Variants in VTA1 observed in about 807,000 individuals in gnomAD.
VTA1 encodes vacuolar protein sorting-associated protein VTA1 homolog.
In VTA1, 24 loss-of-function variants were observed where a neutral mutation model predicts 36.9. The observed-to-expected ratio is 0.65, with a 90% CI of 0.47 to 0.91. The LOEUF is 0.91. Ranked by LOEUF, VTA1 falls within the 40% of genes least tolerant of loss-of-function variation. The probability of loss-of-function intolerance (pLI) is 0.00; values close to 1 mark genes in which losing one functional copy is unlikely to be tolerated. For synonymous variants in VTA1, 142 were observed against 130.2 expected (o/e 1.09, Z -0.62); for missense variants, 393 against 377.2 (o/e 1.04, Z -0.35).
chr6:142,193,381 A>G (rs1674573318), intron 5 of VTA1, among the ~76,000 whole-genome samples: 1 of 152,060 alleles, frequency 6.6e-6, no homozygotes, highest in South Asian at 2.1e-4. Context: ...TCCCTTTGCT[A>G]TTAATAAGTA....
chr6:142,204,251 A>G (rs781670371), intron 7 of VTA1, among the ~76,000 whole-genome samples, 186 bp downstream of exon 7: 5 of 152,170 alleles, frequency 3.3e-5, no homozygotes, highest in Non-Finnish European at 7.4e-5. Flanking sequence ...GGATTGTTTG[A>G]CTTTAAAAAT....
At chr6:142,209,227 G>A (rs1056161481) in intron 7 of VTA1, among the ~76,000 whole-genome samples, 41 of 151,914 alleles carry the variant, frequency 2.7e-4, no homozygotes, top group Admixed American at 2.2e-3. Context: ...AAAATCAGTA[G>A]CATTTATATA....
intron 4 of VTA1, among the ~76,000 whole-genome samples, chr6:142,180,297 G>A (rs142269613): frequency 1.3e-5 from 2 of 152,254 alleles, no homozygotes; most frequent in African/African-American, 4.8e-5. Flanking sequence ...CCCAGAAGCC[G>A]ACTTGAAAGG....
intron 4 of VTA1, among the ~76,000 whole-genome samples, chr6:142,180,606 A>G (rs1292500834): frequency 5.3e-5 from 8 of 152,184 alleles, no homozygotes; most frequent in Non-Finnish European, 5.9e-5. Context: ...TTGCTTATTG[A>G]TATCAGAGGA....
At chr6:142,167,731 C>T (rs903768570) in intron 2 of VTA1, among the ~76,000 whole-genome samples, 5 of 152,196 alleles carry the variant, frequency 3.3e-5, no homozygotes, top group Non-Finnish European at 7.3e-5. Flanking sequence ...CATGGCAGCA[C>T]TGAGGAAATT....
At chr6:142,218,477 C>T (rs1776043093) in intron 7 of VTA1, 21 bp from the exon 8 acceptor site, 2 of 1,609,728 alleles carry the variant, frequency 1.2e-6, no homozygotes, top group Non-Finnish European at 1.7e-6. Context: ...ATAAATATCC[C>T]AATTGTTCTT....
At chr6:142,206,962 T>C (rs1775803898) in intron 7 of VTA1, among the ~76,000 whole-genome samples, 1 of 152,260 alleles carries the variant, frequency 6.6e-6, no homozygotes, top group South Asian at 2.1e-4. Context: ...TTCTGATGCC[T>C]AAATTTGAAC....
intron 4 of VTA1, among the ~76,000 whole-genome samples, chr6:142,187,970 C>T (rs553968776): frequency 1.4e-5 from 2 of 144,898 alleles, no homozygotes; most frequent in East Asian, 4.0e-4. Flanking sequence ...TGCAGTGGCG[C>T]AGTCTTGGCT....
Position 142,166,237 on chromosome 6 carries a change from A to G in VTA1, c.122A>G (p.Tyr41Cys), listed in dbSNP as rs1774911979. The change falls in exon 2 of 8, where the codon TAC (tyrosine) becomes TGC (cysteine). Residue 41 changes from tyrosine (Y) to cysteine (C), a missense_variant. Physicochemically the swap from Tyr to Cys is radical, Grantham distance 194. Transcript: ENST00000367630. Reference protein sequence around the residue: ...DPVVAYYCRLYAMQTGMKIDS... With the variant: ...DPVVAYYCRLCAMQTGMKIDS... Reference sequence around the variant, plus strand: ...TTACTTTTCTTTCTAGGTCGTTTATACGCAATGCAGACTGGAATGAAGATC... The same window carrying G: ...TTACTTTTCTTTCTAGGTCGTTTATGCGCAATGCAGACTGGAATGAAGATC... 1 of 1,606,840 alleles carries G rather than the reference A, an allele frequency of 6.2e-7. No homozygotes were observed. The highest frequency in any genetic ancestry group is 1.1e-5 in the South Asian group (1 of 89,314).
At chr6:142,207,232 T>G (rs965159194) in intron 7 of VTA1, among the ~76,000 whole-genome samples, 6 of 152,032 alleles carry the variant, frequency 3.9e-5, no homozygotes, top group Admixed American at 6.5e-5. Context: ...ACCTCATAAT[T>G]TCTACACTGA....
At chr6:142,203,957 T>C in intron 6 of VTA1, 28 bp from the exon 7 acceptor site, 1 of 1,588,640 alleles carries the variant, frequency 6.3e-7, no homozygotes, top group Non-Finnish European at 8.6e-7. Context: ...AATACTTCTA[T>C]GCCCATTTTT....
chr6:142,186,727 G>T (rs181029912), intron 4 of VTA1, among the ~76,000 whole-genome samples: 1 of 151,994 alleles, frequency 6.6e-6, no homozygotes, highest in Admixed American at 6.6e-5. Flanking sequence ...TCACATAGTC[G>T]GGTATTTGTC....
At chr6:142,198,117 A>ATGTGTGTT (rs1265860816) in intron 5 of VTA1, among the ~76,000 whole-genome samples, 1 of 78,634 alleles carries the variant, frequency 1.3e-5, no homozygotes, top group African/African-American at 4.0e-5. Flanking sequence ...ATATATATAT[A>ATGTGTGTT]TATGTGTGTG....
intron 7 of VTA1, among the ~76,000 whole-genome samples, chr6:142,204,602 T>G (rs528743265): frequency 1.3e-5 from 2 of 152,292 alleles, no homozygotes; most frequent in South Asian, 2.1e-4. Context: ...TATTTTGGTC[T>G]TTCTCATTCA....
rs143195232 is a variant in VTA1, at chr6:142,211,422, C to T, written c.779-7076C>T. Among the ~76,000 whole-genome samples the T allele has an allele frequency of 8.3e-4, 127 of 152,172 alleles. 1 individual carries two copies. Among genetic ancestry groups the T allele is most frequent in the Non-Finnish European group, 1.6e-3 (110 of 67,998 alleles). On this transcript the variant is annotated intron_variant, in intron 7 of 7. Transcript: ENST00000367630. ...GACCTATAAAAGAAAGAAATGATAA[C>T]GCAGATTTCATTAAGATTAAAATTT...
Position 142,156,536 on chromosome 6 carries a change from T to C in VTA1, c.112+9137T>C, listed in dbSNP as rs543165238. On this transcript the variant is annotated intron_variant, in intron 1 of 7. Coordinates refer to ENST00000367630, the MANE Select transcript of VTA1 (RefSeq NM_016485.5). ...AATATTTTGATTCTGCCAGGTTTGG[T>C]GCTGTAGATAAAGCTAAACTCAGAA... Among the ~76,000 whole-genome samples, 25 of 152,354 alleles carry C rather than the reference T, an allele frequency of 1.6e-4. No homozygotes were observed. In the Middle Eastern group the frequency reaches 0.01, roughly 62 times the overall value.
chr6:142,216,534 A>G (rs959202537), intron 7 of VTA1, among the ~76,000 whole-genome samples: 2 of 152,148 alleles, frequency 1.3e-5, no homozygotes, highest in Non-Finnish European at 2.9e-5. Flanking sequence ...TGTATTTTAT[A>G]TATGAGTTAC....
At chr6:142,150,512 C>T (rs561519222) in intron 1 of VTA1, among the ~76,000 whole-genome samples, 1 of 152,292 alleles carries the variant, frequency 6.6e-6, no homozygotes, top group Non-Finnish European at 1.5e-5. Flanking sequence ...CTCACGCATC[C>T]TGAGTGCTTT....
chr6:142,179,076 C>T (rs1161957593), intron 4 of VTA1, among the ~76,000 whole-genome samples: 1 of 151,842 alleles, frequency 6.6e-6, no homozygotes, highest in Non-Finnish European at 1.5e-5. Flanking sequence ...ATAAAACTTT[C>T]AAACTATATG....
Sources: gnomAD v4.1 joint callset for allele counts (sites outside exome capture counted in the v4.1 genomes callset) on GRCh38, gnomAD v4.1.1 for gene constraint, MANE v1.5 for transcripts, NCBI Gene and HGNC (gene_info 2026-07-23, HGNC 2026-07-21) for gene names.